STK33: variants seen among roughly 807,000 people sequenced by gnomAD.
STK33 encodes serine/threonine-protein kinase 33.
In STK33, 52 loss-of-function variants were observed where a neutral mutation model predicts 58.0. The observed-to-expected ratio is 0.90, with a 90% CI of 0.72 to 1.13. The LOEUF (loss-of-function observed/expected upper bound fraction) is 1.13, where lower values mean the gene tolerates loss of function less well. STK33 is among the 50% of genes most tolerant of loss of function. The pLI, the probability that STK33 is intolerant of heterozygous loss-of-function variation, is 0.00. For synonymous variants in STK33, 215 were observed against 200.1 expected, an observed-to-expected ratio of 1.07 and a Z score of -0.63; for missense variants, 630 against 604.2, an observed-to-expected ratio of 1.04 and a Z score of -0.45.
intron 6 of STK33, chr11:8,466,348 A>G (rs1169013133): frequency 6.6e-6 from 1 of 152,236 alleles, no homozygotes; most frequent in African/African-American, 2.4e-5. Flanking sequence ...CAATGGGGGT[A>G]TAGGCATTGG....
At chr11:8,572,664 C>A (rs893379772) in intron 1 of STK33, among the ~76,000 whole-genome samples, 4 of 152,014 alleles carry the variant, frequency 2.6e-5, no homozygotes, top group African/African-American at 9.7e-5. Context: ...AGCAATCCTC[C>A]AACCTCAGCC....
At chr11:8,362,855 T>C in the STK33 span, among the ~76,000 whole-genome samples, 6 of 151,170 alleles carry the variant, frequency 4.0e-5, no homozygotes, top group South Asian at 2.1e-4. Flanking sequence ...TTTCTGCCTC[T>C]CTCCCTCCCT....
intron 1 of STK33, among the ~76,000 whole-genome samples, chr11:8,521,549 T>C (rs550047721): frequency 2.0e-4 from 31 of 152,190 alleles, no homozygotes; most frequent in African/African-American, 7.2e-4. Flanking sequence ...CCAATACCAT[T>C]AAGGATATAG....
intron 1 of STK33, among the ~76,000 whole-genome samples, chr11:8,537,290 A>G (rs1955110208): frequency 6.6e-6 from 1 of 151,620 alleles, no homozygotes; most frequent in Admixed American, 6.6e-5. Context: ...GGGTCTTGCT[A>G]TGTGGCCTAG....
intron 12 of STK33, among the ~76,000 whole-genome samples, chr11:8,436,415 C>A (rs1225323352): frequency 7.9e-5 from 12 of 152,136 alleles, no homozygotes; most frequent in Admixed American, 7.9e-4. Flanking sequence ...AAAGCTCTTG[C>A]AGGTGGGGAA....
chr11:8,448,321 C>A (rs1412267152), intron 11 of STK33, among the ~76,000 whole-genome samples: 2 of 151,972 alleles, frequency 1.3e-5, no homozygotes, highest in African/African-American at 2.4e-5. Flanking sequence ...GCCCACATTG[C>A]CAAGTCAATC....
intron 7 of STK33, among the ~76,000 whole-genome samples, chr11:8,462,434 T>C (rs1240612333): frequency 1.1e-5 from 1 of 90,446 alleles, no homozygotes. Flanking sequence ...TATACATATA[T>C]ACATATATAC....
At chr11:8,348,813 C>T in the STK33 span, among the ~76,000 whole-genome samples, 1 of 152,114 alleles carries the variant, frequency 6.6e-6, no homozygotes, top group African/African-American at 2.4e-5. Flanking sequence ...GCTTCAATAA[C>T]CCTGAGCATC....
intron 3 of STK33, among the ~76,000 whole-genome samples, 154 bp downstream of exon 3, chr11:8,477,096 G>C (rs548474636): frequency 6.6e-6 from 1 of 150,598 alleles, no homozygotes; most frequent in Admixed American, 6.6e-5. Context: ...GTGCCCTCCA[G>C]ACAGGCAGAG....
intron 1 of STK33, among the ~76,000 whole-genome samples, chr11:8,548,662 G>C (rs944749629): frequency 5.3e-5 from 8 of 152,262 alleles, no homozygotes; most frequent in African/African-American, 1.9e-4. Context: ...GGTATTTTGA[G>C]AGGGATTGCA....
intron 14 of STK33, among the ~76,000 whole-genome samples, chr11:8,417,967 T>C (rs1307910941): frequency 2.0e-5 from 3 of 152,142 alleles, no homozygotes; most frequent in Non-Finnish European, 2.9e-5. Flanking sequence ...TGCAAACACA[T>C]ATTTACAAGA....
chr11:8,586,283 G>T (rs1025865172), intron 1 of STK33, among the ~76,000 whole-genome samples: 1 of 150,436 alleles, frequency 6.6e-6, no homozygotes, highest in African/African-American at 2.4e-5. Context: ...CAGGGTCTCT[G>T]TAAAATGGCA....
At chr11:8,546,682 A>AT (rs957765582) in intron 1 of STK33, among the ~76,000 whole-genome samples, 17 of 150,546 alleles carry the variant, frequency 1.1e-4, no homozygotes, top group African/African-American at 3.7e-4. Context: ...GAGTGAAATC[A>AT]TGCAATATTT....
chr11:8,417,141 C>T (rs1278521304), intron 14 of STK33, among the ~76,000 whole-genome samples: 1 of 152,112 alleles, frequency 6.6e-6, no homozygotes, highest in Non-Finnish European at 1.5e-5. Context: ...ACTCCTTTTA[C>T]TGGCTGCATC....
chr11:8,539,893 G>A (rs887090507), intron 1 of STK33, among the ~76,000 whole-genome samples: 3 of 152,104 alleles, frequency 2.0e-5, no homozygotes, highest in South Asian at 4.1e-4. Context: ...ACCCTTCAGT[G>A]AGCCGCAAAC....
the STK33 span, among the ~76,000 whole-genome samples, chr11:8,351,099 C>T: frequency 6.6e-6 from 1 of 152,254 alleles, no homozygotes; most frequent in African/African-American, 2.4e-5. Context: ...CTAACTACCC[C>T]TTAAATGAAG....
chr11:8,452,719 T>C, intron 11 of STK33, 103 bp downstream of exon 11: 1 of 980,518 alleles, frequency 1.0e-6, no homozygotes, highest in Non-Finnish European at 1.6e-6. Flanking sequence ...GCCCAGGAGG[T>C]CAAGGCTGCA....
chr11:8,436,082 T>C lies in STK33; in HGVS notation c.1005A>G (p.Ile335Met). The change falls in exon 13 of 16, where the codon ATA becomes ATG. Residue 335 changes from isoleucine (I) to methionine (M), a missense_variant. Ile to Met is a conservative substitution (Grantham distance 10). Transcript: ENST00000687296. ...TTTCAAAATGTAGTTCTCCTTTTCT[T>C]ATTAACTCAAAAAGCTTCTCTTCTG... ...ASSEEKLFEL[I>M]RKGELHFENA... 1.3e-6 allele frequency: 2 copies of C among 1,597,520 alleles called. No individual in the cohort carries two copies. Among genetic ancestry groups the C allele is most frequent in the Non-Finnish European group, 1.7e-6 (2 of 1,171,764 alleles).
chr11:8,442,145 A>G (rs1407588720), intron 11 of STK33, among the ~76,000 whole-genome samples: 2 of 152,192 alleles, frequency 1.3e-5, no homozygotes, highest in African/African-American at 4.8e-5. Flanking sequence ...ATGAAAGGCA[A>G]CAAAAAGGGG....
Sources: gnomAD v4.1 joint callset for allele counts (sites outside exome capture counted in the v4.1 genomes callset) on GRCh38, gnomAD v4.1.1 for gene constraint, MANE v1.5 for transcripts, NCBI Gene and HGNC (gene_info 2026-07-23, HGNC 2026-07-21) for gene names.